The following ELOVL6 variants were observed in gnomAD, a reference collection of about 807,000 sequenced individuals.
ELOVL6 encodes ELOVL fatty acid elongase 6, also known as very long chain fatty acid elongase 6.
ELOVL6 carries 8 observed loss-of-function variants against 31.7 expected under a neutral mutation model. That is an observed-to-expected ratio of 0.25 (90% CI 0.15 to 0.45). ELOVL6 has a LOEUF of 0.45. Among genes scored for constraint, ELOVL6 ranks in the 20% least tolerant of loss-of-function variants. The pLI is 1.00. For synonymous variants in ELOVL6, 101 were observed against 117.7 expected, an observed-to-expected ratio of 0.86 and a Z score of 0.92; for missense variants, 126 against 326.4, an observed-to-expected ratio of 0.39 and a Z score of 4.73.
intron 1 of ELOVL6, among the ~76,000 whole-genome samples, chr4:110,196,172 G>C (rs934469237): frequency 1.3e-5 from 2 of 152,172 alleles, no homozygotes; most frequent in Non-Finnish European, 2.9e-5. Context: ...TAGGAATGGC[G>C]GGCGTACAGT....
chr4:110,051,471 T>C lies in ELOVL6; in HGVS notation c.665A>G (p.His222Arg). 6.2e-7 allele frequency: 1 copy of C among 1,614,174 alleles called. No individual in the cohort carries two copies. Among genetic ancestry groups the C allele is most frequent in the Non-Finnish European group, 8.5e-7 (1 of 1,180,016 alleles). Reference sequence around the variant, plus strand: ...CTGAAAGTGAGAGTGACACTGGTCATGCTGCATCCAGCAGAAGACCAGGTA... The same window carrying C: ...CTGAAAGTGAGAGTGACACTGGTCACGCTGCATCCAGCAGAAGACCAGGTA... The part of the protein sequence containing the change: ...VNYLVFCWMQ[H>R]DQCHSHFQNI... Residue 222 changes from histidine to arginine, a missense_variant, in exon 4 of 4, where the codon CAT (histidine) becomes CGT (arginine). By Grantham distance (29) the His-to-Arg change is conservative. This residue lies in a region of ELOVL6 where 57 missense variants were observed against 110.2 expected (regional missense o/e 0.52). Transcript: ENST00000302274. This position sits in a 1 kb window ranked among gnomAD's most constrained non-coding sequence, Gnocchi z 4.8.
chr4:110,078,899 AC>A (rs1192963476), intron 2 of ELOVL6, among the ~76,000 whole-genome samples: 6 of 152,212 alleles, frequency 3.9e-5, no homozygotes, highest in Non-Finnish European at 8.8e-5. Context: ...AGGAAGATCT[AC>A]CAAGCAAATG....
chr4:110,072,296 C>T (rs987194352), intron 2 of ELOVL6, among the ~76,000 whole-genome samples: 2 of 152,110 alleles, frequency 1.3e-5, no homozygotes, highest in Admixed American at 1.3e-4. Context: ...GCCAACACGG[C>T]GAAACGCTGT....
At chr4:110,058,568 G>A (rs574296971) in intron 3 of ELOVL6, among the ~76,000 whole-genome samples, 1 of 152,104 alleles carries the variant, frequency 6.6e-6, no homozygotes, top group Non-Finnish European at 1.5e-5. Context: ...TGAACAAGGG[G>A]CACCTTACAG....
intron 1 of ELOVL6, among the ~76,000 whole-genome samples, chr4:110,149,734 T>C (rs1758229783): frequency 6.6e-6 from 1 of 152,188 alleles, no homozygotes; most frequent in Non-Finnish European, 1.5e-5. Context: ...GTGACAAAAC[T>C]GCACTTGTAC....
rs1553963193 is a variant in ELOVL6, at chr4:110,186,822, A to AAAAT, written c.89+11424_89+11425insATTT. On this transcript the variant is annotated intron_variant, in intron 1 of 3. Transcript: ENST00000302274. Reference sequence around the variant, plus strand: ...CTGTCTCAAAAAAAAAAAAAAAAAAAATATATATATATATATATATATTTA... The same window carrying AAAAT: ...CTGTCTCAAAAAAAAAAAAAAAAAAAAAATATATATATATATATATATATATTTA... Among the ~76,000 whole-genome samples, 34 of 59,420 alleles carry AAAAT rather than the reference A, an allele frequency of 5.7e-4. 1 individual carries two copies. Among genetic ancestry groups the AAAAT allele is most frequent in the African/African-American group, 2.0e-3 (30 of 14,936 alleles). 39.0% of individuals were successfully genotyped at this position (59,420 alleles called of 152,430 possible).
At chr4:110,066,491 T>C (rs1481203516) in intron 2 of ELOVL6, among the ~76,000 whole-genome samples, 1 of 151,416 alleles carries the variant, frequency 6.6e-6, no homozygotes, top group Non-Finnish European at 1.5e-5. Flanking sequence ...AAAAAAAAAT[T>C]AGCCGGGCGT....
At chr4:110,094,430 T>G in intron 2 of ELOVL6, among the ~76,000 whole-genome samples, 1 of 58,236 alleles carries the variant, frequency 1.7e-5, no homozygotes, top group African/African-American at 8.6e-5. Flanking sequence ...TATATATATA[T>G]ATATATATAT....
chr4:110,180,140 A>G (rs1333620288), intron 1 of ELOVL6, among the ~76,000 whole-genome samples: 1 of 152,168 alleles, frequency 6.6e-6, no homozygotes, highest in Admixed American at 6.5e-5. Flanking sequence ...TATATGCCAC[A>G]TAGTTTTCTA....
At chr4:110,101,726 T>C (rs1756748171) in intron 2 of ELOVL6, among the ~76,000 whole-genome samples, 1 of 152,072 alleles carries the variant, frequency 6.6e-6, no homozygotes, top group Non-Finnish European at 1.5e-5. Flanking sequence ...CAGGTTTGAG[T>C]GCAGTGGTGC....
rs1553953509 is a variant in ELOVL6, at chr4:110,056,124, G to GGGC, written c.373+3478_373+3479insGCC. Among the ~76,000 whole-genome samples the GGGC allele has an allele frequency of 6.0e-5, 8 of 134,060 alleles. 1 individual carries two copies. Among genetic ancestry groups the GGGC allele is most frequent in the Non-Finnish European group, 9.2e-5 (6 of 65,068 alleles). The allele number at this position is 134,060 out of a possible 152,430, so 87.9% of individuals were successfully genotyped here. ...CAAGAGTTTGAGTTTGTGGGAGCTG[G>GGGC]GGGGGGGGATACAGTTTCAGTACTA... On this transcript the variant is annotated intron_variant, in intron 3 of 3. Transcript: ENST00000302274.
At chr4:110,190,770 G>A (rs1020116829) in intron 1 of ELOVL6, among the ~76,000 whole-genome samples, 1 of 151,324 alleles carries the variant, frequency 6.6e-6, no homozygotes, top group African/African-American at 2.4e-5. Flanking sequence ...CTCCCACAGC[G>A]CTGGGATTAC....
rs188756929 is a variant in ELOVL6, at chr4:110,177,651, T to C, written c.89+20596A>G. 1.2e-4 allele frequency among the ~76,000 whole-genome samples: 18 copies of C among 152,106 alleles called. 1 individual carries two copies. The East Asian group carries it at 2.1e-3, about 18-fold the overall frequency. ...CCTTGTGACCATGAAGAAAAAACTA[T>C]TGACACATTATGAATGGCAAAACGG... On this transcript the variant is annotated intron_variant, in intron 1 of 3. Coordinates refer to ENST00000302274, the MANE Select transcript of ELOVL6 (RefSeq NM_024090.3).
chr4:110,185,059 C>T (rs1202339210), intron 1 of ELOVL6, among the ~76,000 whole-genome samples: 1 of 152,154 alleles, frequency 6.6e-6, no homozygotes, highest in Non-Finnish European at 1.5e-5. Flanking sequence ...GGATCATGGA[C>T]ATGGAGCAAG....
In ELOVL6 at chr4:110,051,285, T is replaced by C; in HGVS notation, c.*53A>G. On this transcript the variant is annotated 3_prime_UTR_variant, in exon 4 of 4. Coordinates refer to ENST00000302274, the MANE Select transcript of ELOVL6 (RefSeq NM_024090.3). The surrounding 1 kb of genome is among the most constrained non-coding windows in gnomAD (Gnocchi z 4.8). The stretch of plus-strand genomic sequence containing the variant: ...TGATTCCTTGTGCCATTTTCTTTTG[T>C]CTATTATTTTTCTTGATGACCCTGA... 6.4e-7 allele frequency: 1 copy of C among 1,551,958 alleles called. No individual in the cohort carries two copies. Among genetic ancestry groups the C allele is most frequent in the Non-Finnish European group, 8.8e-7 (1 of 1,141,946 alleles).
intron 2 of ELOVL6, among the ~76,000 whole-genome samples, chr4:110,066,506 A>C (rs936636940): frequency 1.7e-4 from 26 of 151,458 alleles, no homozygotes; most frequent in African/African-American, 6.3e-4. Context: ...GGGCGTGGTG[A>C]CAGGCGCCTG....
chr4:110,178,269 C>T (rs985287717), intron 1 of ELOVL6, among the ~76,000 whole-genome samples: 14 of 152,082 alleles, frequency 9.2e-5, no homozygotes, highest in Non-Finnish European at 1.9e-4. Context: ...GAAAACGAGC[C>T]GTGCACAGTG....
chr4:110,064,984 T>C (rs1348236984), intron 2 of ELOVL6, among the ~76,000 whole-genome samples: 1 of 152,136 alleles, frequency 6.6e-6, no homozygotes, highest in Non-Finnish European at 1.5e-5. Flanking sequence ...ATGTATTAAA[T>C]CAACACGTAC....
intron 1 of ELOVL6, among the ~76,000 whole-genome samples, chr4:110,168,780 A>G (rs1210523027): frequency 6.6e-6 from 1 of 152,112 alleles, no homozygotes; most frequent in East Asian, 1.9e-4. Context: ...TCTGCCAATC[A>G]CCAGGTGTCC....
Sources: gnomAD v4.1 joint callset for allele counts (sites outside exome capture counted in the v4.1 genomes callset) on GRCh38, gnomAD v4.1.1 for gene constraint, gnomAD v4.1.1 regional missense constraint, Gnocchi (gnomAD v3.1) non-coding constraint, MANE v1.5 for transcripts, NCBI Gene and HGNC (gene_info 2026-07-23, HGNC 2026-07-21) for gene names.